The following PXDN variants were observed in gnomAD, a reference collection of about 807,000 sequenced individuals.
The protein encoded by PXDN is peroxidasin homolog.
A neutral mutation model predicts 140.3 loss-of-function variants in PXDN; 77 were observed. The observed-to-expected ratio is 0.55, with a 90% CI of 0.46 to 0.66. The LOEUF (loss-of-function observed/expected upper bound fraction) is 0.66, where lower values mean the gene tolerates loss of function less well. PXDN is among the 30% of genes least tolerant of loss of function. The pLI, the probability that PXDN is intolerant of heterozygous loss-of-function variation, is 0.00. For missense variants in PXDN, 1,838 were observed against 2,039.5 expected (o/e 0.90, Z 1.90); for synonymous variants, 911 against 857.4 (o/e 1.06, Z -1.09).
intron 9 of PXDN, among the ~76,000 whole-genome samples, chr2:1,666,763 GA>G (rs1283025457): frequency 6.6e-6 from 1 of 152,120 alleles, no homozygotes; most frequent in African/African-American, 2.4e-5. Flanking sequence ...AACATGTGCC[GA>G]ACTCCATGGA....
In PXDN at chr2:1,707,947, C is replaced by G. The variant is rs1684657946; in HGVS notation, c.201-14813G>C. On this transcript the variant is annotated intron_variant, in intron 1 of 22. Coordinates refer to ENST00000252804, the MANE Select transcript of PXDN (RefSeq NM_012293.3). Reference sequence around the variant, plus strand: ...ACTCTTAAGGCACTGGAAAGTTACACAAAGCGAGAGAACGGAAACCAAACG... The same window carrying G: ...ACTCTTAAGGCACTGGAAAGTTACAGAAAGCGAGAGAACGGAAACCAAACG... Among the ~76,000 whole-genome samples the G allele has an allele frequency of 1.3e-5, 2 of 151,968 alleles. 1 individual carries two copies. Among genetic ancestry groups the G allele is most frequent in the Admixed American group, 1.3e-4 (2 of 15,282 alleles).
At chr2:1,699,236 A>G (rs1286856264) in intron 1 of PXDN, among the ~76,000 whole-genome samples, 1 of 152,236 alleles carries the variant, frequency 6.6e-6, no homozygotes, top group Admixed American at 6.5e-5. Context: ...TGCACAGACC[A>G]CTTGGTAATG....
intron 8 of PXDN, among the ~76,000 whole-genome samples, chr2:1,674,884 T>G (rs1426227034): frequency 1.3e-5 from 2 of 152,122 alleles, no homozygotes; most frequent in African/African-American, 4.8e-5. Flanking sequence ...CTAAGGAGCC[T>G]GTGCAGCCTG....
At position 1,644,718 on chromosome 2, in the gene PXDN, GA is replaced by G. The variant is rs1235692277; in HGVS notation, c.3642del (p.Pro1215ArgfsTer18). 3 of 1,593,922 alleles carry G rather than the reference GA, an allele frequency of 1.9e-6. No individual in the cohort carries two copies. Among genetic ancestry groups the G allele is most frequent in the Non-Finnish European group, 2.6e-6 (3 of 1,167,336 alleles). ...LYGSTLNIDLFPALVVEDLVP... is the reference protein window; with the variant it reads ...LYGSTLNIDLXPALVVEDLVP... ...ACCAGGTCCTCCACCACGAGCGCCGGAAACAGGTCGATGTTGAGTGTCGAGC... is the reference window on the plus strand; with the variant it reads ...ACCAGGTCCTCCACCACGAGCGCCGGAACAGGTCGATGTTGAGTGTCGAGC... On this transcript the variant is annotated frameshift_variant, in exon 18 of 23. Transcript: ENST00000252804. LOFTEE classifies it high-confidence loss of function.
upstream of PXDN, chr2:1,744,881 C>G (rs1483912658): frequency 6.3e-6 from 1 of 158,918 alleles, no homozygotes; most frequent in Non-Finnish European, 1.4e-5. Flanking sequence ...AGCGCTTGCT[C>G]TGATCCGGGC....
intron 6 of PXDN, among the ~76,000 whole-genome samples, chr2:1,682,488 T>C (rs1023255089): frequency 2.0e-5 from 3 of 152,220 alleles, no homozygotes; most frequent in Admixed American, 6.5e-5. Context: ...TAGGTCTAGT[T>C]TACTGAATAC....
chr2:1,675,348 G>C (rs955642696), intron 8 of PXDN, among the ~76,000 whole-genome samples: 1 of 152,146 alleles, frequency 6.6e-6, no homozygotes, highest in Non-Finnish European at 1.5e-5. Flanking sequence ...TTTCAACTGC[G>C]GGCATCAATT....
At position 1,743,665 on chromosome 2, in the gene PXDN, AGGGAGGAGGAGGAGGAAG is replaced by A. The variant is rs1432145629; in HGVS notation, c.200+573_200+590del. 7.6e-3 allele frequency among the ~76,000 whole-genome samples: 627 copies of A among 81,964 alleles called. 4 individuals are homozygous for A. Among genetic ancestry groups the A allele is most frequent in the Middle Eastern group, 0.017 (3 of 176 alleles). The allele number at this position is 81,964 out of a possible 152,430, so 53.8% of individuals were successfully genotyped here. ...AAGGAAGGGGGGGAGGAGGAGGGGAAGGGAGGAGGAGGAGGAAGGGGAGGAGGAGGAGGAAGGGGAGGA... is the reference window on the plus strand; with the variant it reads ...AAGGAAGGGGGGGAGGAGGAGGGGAAGGGAGGAGGAGGAGGAAGGGGAGGA... On this transcript the variant is annotated intron_variant, in intron 1 of 22. Coordinates refer to ENST00000252804, the MANE Select transcript of PXDN (RefSeq NM_012293.3).
chr2:1,638,853 C>G lies in PXDN; in HGVS notation c.4199G>C (p.Arg1400Thr). The change falls in exon 21 of 23, where the codon AGA (arginine) becomes ACA (threonine). Residue 1400 changes from arginine (R) to threonine (T), a missense_variant. Transcript: ENST00000252804. ...LEMQKTITDL[R>T]TQIKKLESRL... is the part of the protein sequence containing the mutation. ...GGCCGCCAGGCACCTCACCTGTGTT[C>G]TGAGGTCTGTGATGGTCTTCTGCAT... The G allele has an allele frequency of 6.2e-7, 1 of 1,613,978 alleles. No individual in the cohort carries two copies. The highest frequency in any genetic ancestry group is 8.5e-7 in the Non-Finnish European group (1 of 1,179,872).
rs1372920447 is a variant in PXDN at position 1,687,851 on chromosome 2, G to C, written c.345-148C>G. 3 of 562,896 alleles carry C rather than the reference G, an allele frequency of 5.3e-6. No individual in the cohort carries two copies. The Admixed American group carries it at 9.0e-5, about 17-fold the overall frequency. 34.9% of individuals were successfully genotyped at this position (562,896 alleles called of 1,614,324 possible). On this transcript the variant is annotated intron_variant, in intron 3 of 22. Transcript: ENST00000252804. This position sits in a 1 kb window ranked among gnomAD's most constrained non-coding sequence, Gnocchi z 4.0. ...ACAAACCATCTGCACGGTGAGTACA[G>C]TGCCTCTCCCAAGGGCTTCCCTTCC...
chr2:1,728,537 T>A (rs1685242250), intron 1 of PXDN, among the ~76,000 whole-genome samples: 4 of 152,212 alleles, frequency 2.6e-5, no homozygotes, highest in Admixed American at 2.6e-4. Context: ...GCTGAGCTGG[T>A]AAAGCTGACA....
Position 1,648,363 on chromosome 2 carries a change from G to T in PXDN, c.3417C>A (p.Leu1139=), listed in dbSNP as rs762168694. The T allele has an allele frequency of 1.2e-6, 2 of 1,613,578 alleles. No individual in the cohort carries two copies. Among genetic ancestry groups the T allele is most frequent in the Admixed American group, 3.3e-5 (2 of 60,026 alleles). Residue 1139 remains leucine, a synonymous_variant, in exon 17 of 23, where the codon CTC becomes CTA. Transcript: ENST00000252804. This position sits in a 1 kb window ranked among gnomAD's most constrained non-coding sequence, Gnocchi z 8.9. ...GTGCCATGGAGAACAGCCGCTCCGT[G>T]AGCTCCGTGTTCAGCAGCTGCGAGG... ...RVPSQLLNTE[L]TERLFSMAHT...
chr2:1,641,312 C>T (rs764137702), intron 19 of PXDN, among the ~76,000 whole-genome samples: 17 of 152,000 alleles, frequency 1.1e-4, no homozygotes, highest in Non-Finnish European at 2.4e-4. Context: ...CCACCACGCC[C>T]GGCTAATTTT....
intron 1 of PXDN, among the ~76,000 whole-genome samples, chr2:1,735,463 G>A (rs1339730133): frequency 1.3e-5 from 2 of 152,198 alleles, no homozygotes; most frequent in African/African-American, 4.8e-5. Flanking sequence ...TAGATGTTTT[G>A]TGTTAGCAGC....
chr2:1,655,653 C>T (rs1207379426), intron 14 of PXDN, among the ~76,000 whole-genome samples: 2 of 151,560 alleles, frequency 1.3e-5, no homozygotes, highest in Non-Finnish European at 2.9e-5. Flanking sequence ...CCTGCCTTCT[C>T]CTGACAGGAA....
intron 1 of PXDN, among the ~76,000 whole-genome samples, chr2:1,710,586 C>CTCTCCACCAGCACCCA: frequency 1.0e-5 from 1 of 99,820 alleles, no homozygotes; most frequent in Admixed American, 1.0e-4. Flanking sequence ...CCACTAGCAC[C>CTCTCCACCAGCACCCA]CTCTCCACCA....
intron 1 of PXDN, among the ~76,000 whole-genome samples, chr2:1,717,373 G>A (rs1242303719): frequency 1.3e-5 from 2 of 152,176 alleles, no homozygotes; most frequent in African/African-American, 4.8e-5. Flanking sequence ...AATGCCTCTC[G>A]CCCGGGGCTA....
chr2:1,702,493 TATCTC>T (rs1277441802), intron 1 of PXDN, among the ~76,000 whole-genome samples: 2 of 152,204 alleles, frequency 1.3e-5, no homozygotes, highest in African/African-American at 4.8e-5. Flanking sequence ...GAACCCCAAA[TATCTC>T]AGACAGGTCT....
Position 1,653,756 on chromosome 2 carries a change from G to C in PXDN, c.1976C>G (p.Ala659Gly). ...SRPRSPNDLL[A>G]LFRYPRDPYT... ...AGGATCCCTCGGATACCGGAACAAG[G>C]CCAGCAAATCATTTGGAGAACGAGG... Residue 659 changes from alanine (A) to glycine (G), a missense_variant, in exon 16 of 23, where the codon GCC becomes GGC. By Grantham distance (60) the Ala-to-Gly change is moderately conservative (BLOSUM62 0). Transcript: ENST00000252804. The C allele has an allele frequency of 6.3e-7, 1 of 1,587,494 alleles. No individual in the cohort carries two copies. The highest frequency in any genetic ancestry group is 8.6e-7 in the Non-Finnish European group (1 of 1,165,944).
Sources: gnomAD v4.1 joint callset for allele counts (sites outside exome capture counted in the v4.1 genomes callset) on GRCh38, gnomAD v4.1.1 for gene constraint, Gnocchi (gnomAD v3.1) non-coding constraint, MANE v1.5 for transcripts, NCBI Gene and HGNC (gene_info 2026-07-23, HGNC 2026-07-21) for gene names.